Variants in MAT2B observed in about 807,000 individuals in gnomAD.
The protein encoded by MAT2B is methionine adenosyltransferase 2 subunit beta.
In MAT2B, 16 loss-of-function variants were observed where a neutral mutation model predicts 36.1. The ratio of observed to expected loss-of-function variants is 0.44; its 90% CI spans 0.30 to 0.67. The LOEUF (loss-of-function observed/expected upper bound fraction) is 0.67. MAT2B is among the 30% of genes least tolerant of loss of function. The probability of loss-of-function intolerance (pLI) is 0.09; values close to 1 mark genes in which losing one functional copy is unlikely to be tolerated. For synonymous variants in MAT2B, 148 were observed against 136.9 expected (o/e 1.08, Z -0.57); for missense variants, 332 against 398.2 (o/e 0.83, Z 1.42).
At chr5:163,508,255 T>C (rs1759975789) in intron 1 of MAT2B, among the ~76,000 whole-genome samples, 1 of 151,276 alleles carries the variant, frequency 6.6e-6, no homozygotes, top group African/African-American at 2.5e-5. Context: ...TTTTGTTTTC[T>C]TTTTTTTCCT....
At chr5:163,516,980 T>G in intron 5 of MAT2B, 1 of 559,428 alleles carries the variant, frequency 1.8e-6, no homozygotes, top group Non-Finnish European at 3.2e-6. Context: ...AATAATCATC[T>G]AAGGTCTTTT....
At chr5:163,508,339 G>A (rs1218259687) in intron 1 of MAT2B, among the ~76,000 whole-genome samples, 1 of 152,108 alleles carries the variant, frequency 6.6e-6, no homozygotes, top group East Asian at 1.9e-4. Context: ...CAGGGTTCAA[G>A]CGATTCTCCT....
At position 163,512,007 on chromosome 5, in the gene MAT2B, A is replaced by G; in HGVS notation, c.69A>G (p.Glu23=). The G allele has an allele frequency of 6.2e-7, 1 of 1,610,330 alleles. No homozygotes were observed. The highest frequency in any genetic ancestry group is 8.5e-7 in the Non-Finnish European group (1 of 1,177,640). ...TATCCGCCTTCACCTTTTAGGAGGA[A>G]GTTAACATCCCTAATAGGAGGGTTC... is the stretch of plus-strand genomic sequence containing the variant. The part of the protein sequence containing the change: ...VPGSCRLVEE[E]VNIPNRRVLV... Residue 23 remains glutamate, a synonymous_variant, in exon 2 of 7, where the codon GAA becomes GAG. Transcript: ENST00000321757.
chr5:163,514,930 TCA>T (rs1309120410), intron 4 of MAT2B, among the ~76,000 whole-genome samples: 2 of 152,228 alleles, frequency 1.3e-5, no homozygotes, highest in Non-Finnish European at 2.9e-5. Context: ...GAAATTTATT[TCA>T]CACAGTTCTA....
rs765304307 is a variant in MAT2B, at chr5:163,517,552, C to T, written c.721-9C>T. On this transcript the variant is annotated splice_polypyrimidine_tract_variant and intron_variant, in intron 5 of 6. Coordinates refer to ENST00000321757, the MANE Select transcript of MAT2B (RefSeq NM_013283.5). Reference sequence around the variant, plus strand: ...GAAACTATTGAATTTATTGTGTCATCGTTCTTAGGATCCATCAATTAAGGG... The same window carrying T: ...GAAACTATTGAATTTATTGTGTCATTGTTCTTAGGATCCATCAATTAAGGG... 7.3e-6 allele frequency: 11 copies of T among 1,508,100 alleles called. No homozygotes were observed. The highest frequency in any genetic ancestry group is 4.1e-5 in the African/African-American group (3 of 72,942). 93.4% of individuals were successfully genotyped at this position (1,508,100 alleles called of 1,614,324 possible).
chr5:163,517,821 T>G (rs1234488496), intron 6 of MAT2B, 147 bp downstream of exon 6: 4 of 565,508 alleles, frequency 7.1e-6, no homozygotes, highest in Non-Finnish European at 9.7e-6. Flanking sequence ...TAAATTATCA[T>G]CTGTAGAGAA....
At chr5:163,513,481 ATTAACT>A in intron 2 of MAT2B, 68 bp from the exon 3 acceptor site, 2 of 785,364 alleles carry the variant, frequency 2.5e-6, no homozygotes, top group Non-Finnish European at 4.3e-6. Context: ...TTTTCTCTGA[ATTAACT>A]TTAAGAAGGC....
In MAT2B at chr5:163,517,610, CTAAG is replaced by C; in HGVS notation, c.773_776del (p.Lys258MetfsTer18). On this transcript the variant is annotated frameshift_variant, in exon 6 of 7. Coordinates refer to ENST00000321757, the MANE Select transcript of MAT2B (RefSeq NM_013283.5). LOFTEE classifies it high-confidence loss of function. ...CACTGGTCTGGCAATGAACAGATGA[CTAAG>C]TATGAAATGGCATGTGCAATTGCAG... 6.2e-7 allele frequency: 1 copy of C among 1,613,868 alleles called. No individual in the cohort carries two copies. Among genetic ancestry groups the C allele is most frequent in the South Asian group, 1.1e-5 (1 of 91,080 alleles).
chr5:163,512,535 C>T lies in MAT2B; in HGVS notation c.258+339C>T, dbSNP rs80005869. The T allele has an allele frequency of 3.6e-4, 139 of 385,802 alleles. 2 individuals are homozygous for T. The East Asian group carries it at 6.6e-3, about 18-fold the overall frequency. The allele number at this position is 385,802 out of a possible 1,614,324, so 23.9% of individuals were successfully genotyped here. A position where few individuals can be genotyped will look rare whatever the true frequency, so the allele number is the denominator to read the frequency against. On this transcript the variant is annotated intron_variant, in intron 2 of 6. Transcript: ENST00000321757. ...TTCATTTTAGGGCTGAGGGAGCAGG[C>T]TCAGAGAGGTTTTCGGTATCATTGA...
At chr5:163,504,123 G>A (rs753346297), upstream of MAT2B, among the ~76,000 whole-genome samples, 2 of 152,158 alleles carry the variant, frequency 1.3e-5, no homozygotes, top group African/African-American at 2.4e-5. Context: ...CCATAGAAAG[G>A]TAAGATTACA....
rs1037134235 is a variant in MAT2B at position 163,515,784 on chromosome 5, T to C, written c.527-734T>C. 2.5e-4 allele frequency among the ~76,000 whole-genome samples: 34 copies of C among 134,612 alleles called. 1 individual carries two copies. The highest frequency in any genetic ancestry group is 7.7e-4 in the African/African-American group (28 of 36,156). 88.3% of individuals were successfully genotyped at this position (134,612 alleles called of 152,430 possible). On this transcript the variant is annotated intron_variant, in intron 4 of 6. Coordinates refer to ENST00000321757, the MANE Select transcript of MAT2B (RefSeq NM_013283.5). ...TTTGCCTTTTTCTTTTTTTTTTTTT[T>C]TTTTTTTTTTTTGAGACAGGGTCTC...
At chr5:163,516,197 C>T (rs1031791902) in intron 4 of MAT2B, among the ~76,000 whole-genome samples, 1 of 152,138 alleles carries the variant, frequency 6.6e-6, no homozygotes, top group South Asian at 2.1e-4. Context: ...AGGCATGTGC[C>T]ACCATGCCCA....
chr5:163,510,219 C>A (rs4869087), intron 1 of MAT2B, among the ~76,000 whole-genome samples: 93,418 of 151,902 alleles, frequency 0.61, 30,837 homozygotes, highest in East Asian at 0.88. Flanking sequence ...CTTGGTGTTA[C>A]CCATCTTGGG....
chr5:163,516,793 G>T, intron 5 of MAT2B, 82 bp downstream of exon 5: 1 of 1,469,496 alleles, frequency 6.8e-7, no homozygotes, highest in Non-Finnish European at 9.5e-7. Flanking sequence ...TGTACTTGGA[G>T]TGTTACTGAG....
intron 4 of MAT2B, among the ~76,000 whole-genome samples, chr5:163,514,280 A>C (rs1194865462): frequency 1.3e-5 from 2 of 152,204 alleles, no homozygotes; most frequent in African/African-American, 2.4e-5. Context: ...GGGCAGTATA[A>C]TTTCTCTTAG....
rs774016489 is a variant in MAT2B, at chr5:163,512,014, A to G, written c.76A>G (p.Ile26Val). The change falls in exon 2 of 7, where the codon ATC (isoleucine) becomes GTC (valine). Residue 26 changes from isoleucine to valine, a missense_variant. Ile to Val is a conservative substitution (Grantham distance 29). Transcript: ENST00000321757. ...SCRLVEEEVN[I>V]PNRRVLVTGA... is the part of the protein sequence containing the mutation. ...CTTCACCTTTTAGGAGGAAGTTAACATCCCTAATAGGAGGGTTCTGGTTAC... is the reference window on the plus strand; with the variant it reads ...CTTCACCTTTTAGGAGGAAGTTAACGTCCCTAATAGGAGGGTTCTGGTTAC... 10 of 1,611,858 alleles carry G rather than the reference A, an allele frequency of 6.2e-6. No individual in the cohort carries two copies. The South Asian group carries it at 6.6e-5, about 11-fold the overall frequency.
rs1229565823 is a variant in MAT2B, at chr5:163,517,668, A to C, written c.828A>C (p.Leu276Phe). The change falls in exon 6 of 7, where the codon TTA becomes TTC. Residue 276 changes from leucine to phenylalanine, a missense_variant. Coordinates refer to ENST00000321757, the MANE Select transcript of MAT2B (RefSeq NM_013283.5). ...CCTTCAACCTCCCCAGCAGTCACTT[A>C]AGACCTGTAAGTACATGGCTGTAAA... Reference protein sequence around the residue: ...ADAFNLPSSHLRPITDSPVLG... With the variant: ...ADAFNLPSSHFRPITDSPVLG... The C allele has an allele frequency of 6.2e-7, 1 of 1,600,946 alleles. No individual in the cohort carries two copies. Among genetic ancestry groups the C allele is most frequent in the Middle Eastern group, 1.7e-4 (1 of 6,030 alleles).
chr5:163,510,270 T>C (rs1471230170), intron 1 of MAT2B, among the ~76,000 whole-genome samples: 1 of 152,148 alleles, frequency 6.6e-6, no homozygotes, highest in African/African-American at 2.4e-5. Flanking sequence ...AAACATAGAA[T>C]TTAAATTTTT....
Position 163,516,669 on chromosome 5 carries a change from T to C in MAT2B, c.678T>C (p.Asp226=). The part of the protein sequence containing the change: ...WQQRFPTHVK[D]VATVCRQLAE... ...AGAGGTTCCCCACACATGTCAAAGA[T>C]GTGGCCACTGTGTGCCGGCAGCTAG... The change falls in exon 5 of 7, where the codon GAT becomes GAC. Residue 226 remains aspartate (D), a synonymous_variant. Transcript: ENST00000321757. 1 of 1,614,194 alleles carries C rather than the reference T, an allele frequency of 6.2e-7. No individual in the cohort carries two copies.
Sources: gnomAD v4.1 joint callset for allele counts (sites outside exome capture counted in the v4.1 genomes callset) on GRCh38, gnomAD v4.1.1 for gene constraint, MANE v1.5 for transcripts, NCBI Gene and HGNC (gene_info 2026-07-23, HGNC 2026-07-21) for gene names.